The following PIWIL4 variants were observed in gnomAD, a reference collection of about 807,000 sequenced individuals.
PIWIL4 encodes the protein piwi like RNA-mediated gene silencing 4.
PIWIL4 carries 50 observed loss-of-function variants against 100.9 expected under a neutral mutation model. That is an observed-to-expected ratio of 0.50 (90% confidence interval 0.39 to 0.63). PIWIL4 has a LOEUF of 0.63. PIWIL4 is among the 20% of genes least tolerant of loss of function. The pLI is 0.00. For missense variants in PIWIL4, 887 were observed against 1,043.3 expected, an observed-to-expected ratio of 0.85 and a Z score of 2.06; for synonymous variants, 342 against 367.5, an observed-to-expected ratio of 0.93 and a Z score of 0.79.
rs1948108990 is a variant in PIWIL4, at chr11:94,568,737, C to T, written c.95C>T (p.Ser32Phe). Residue 32 changes from serine to phenylalanine, a missense_variant, in exon 2 of 20, where the codon TCT (serine) becomes TTT (phenylalanine). This residue lies in a region of PIWIL4 where 146 missense variants were observed against 113.4 expected (regional missense o/e 1.29). Transcript: ENST00000299001. ...GRIQASPLPRSVDLSNNEASS... is the reference protein window; with the variant it reads ...GRIQASPLPRFVDLSNNEASS... ...TTTTTTTTGCCATTTTAGCCTAGAT[C>T]TGTTGATCTTAGTAACAATGAAGCA... is the stretch of plus-strand genomic sequence containing the variant. The T allele has an allele frequency of 6.2e-7, 1 of 1,603,882 alleles. No individual in the cohort carries two copies. The highest frequency in any genetic ancestry group is 1.1e-5 in the South Asian group (1 of 90,806).
chr11:94,620,474 A>G (rs757653829), intron 19 of PIWIL4, among the ~76,000 whole-genome samples: 39 of 152,222 alleles, frequency 2.6e-4, no homozygotes, highest in Non-Finnish European at 5.1e-4. Flanking sequence ...AAGAAATTGA[A>G]GCCAACTCAG....
intron 8 of PIWIL4, among the ~76,000 whole-genome samples, chr11:94,590,761 T>C (rs1326026267): frequency 1.3e-5 from 2 of 152,186 alleles, no homozygotes; most frequent in Non-Finnish European, 2.9e-5. Flanking sequence ...ATTTTCTTTT[T>C]GCCAGCCCTG....
At chr11:94,581,178 G>A (rs1194413780) in intron 4 of PIWIL4, among the ~76,000 whole-genome samples, 7 of 152,064 alleles carry the variant, frequency 4.6e-5, no homozygotes, top group African/African-American at 1.2e-4. Context: ...GGGATTACAG[G>A]TGTGAGCCAC....
At chr11:94,609,031 T>C (rs896787458) in intron 15 of PIWIL4, among the ~76,000 whole-genome samples, 3 of 152,236 alleles carry the variant, frequency 2.0e-5, no homozygotes, top group African/African-American at 7.2e-5. Context: ...GAGCAGTTGA[T>C]CTTTGAAATC....
intron 15 of PIWIL4, among the ~76,000 whole-genome samples, chr11:94,613,132 T>A (rs1948805345): frequency 2.0e-5 from 3 of 152,338 alleles, no homozygotes; most frequent in Admixed American, 1.3e-4. Flanking sequence ...CCTTTGTTAT[T>A]TCTTATATGG....
chr11:94,615,072 A>T (rs1948830954), intron 15 of PIWIL4, among the ~76,000 whole-genome samples: 1 of 152,174 alleles, frequency 6.6e-6, no homozygotes, highest in African/African-American at 2.4e-5. Flanking sequence ...GAGGTGCTCC[A>T]TAGGCAAGGT....
rs181413035 is a variant in PIWIL4 at position 94,589,914 on chromosome 11, A to G, written c.1026+682A>G. Among the ~76,000 whole-genome samples, 236 of 152,236 alleles carry G rather than the reference A, an allele frequency of 1.6e-3. 3 individuals are homozygous for G. Among genetic ancestry groups the G allele is most frequent in the Admixed American group, 0.013 (192 of 15,294 alleles). ...CCAGGACTAGCTCAGTGCTTTGCGC[A>G]TATTAGATACTCAAGAAACTATTGA... On this transcript the variant is annotated intron_variant, in intron 8 of 19. Coordinates refer to ENST00000299001, the MANE Select transcript of PIWIL4 (RefSeq NM_152431.3).
intron 2 of PIWIL4, among the ~76,000 whole-genome samples, chr11:94,571,169 A>C (rs1334640959): frequency 1.3e-5 from 2 of 152,198 alleles, no homozygotes; most frequent in Non-Finnish European, 2.9e-5. Context: ...CCCTACTCTG[A>C]CAGGCCCAGT....
At chr11:94,608,509 A>C (rs1278553780) in intron 14 of PIWIL4, 74 bp from the exon 15 acceptor site, 1 of 1,333,774 alleles carries the variant, frequency 7.5e-7, no homozygotes, top group Non-Finnish European at 1.1e-6. Context: ...TGTTTTTAAA[A>C]ACTTTCCTAT....
chr11:94,570,570 A>AAAATT (rs1948138278), intron 2 of PIWIL4, among the ~76,000 whole-genome samples: 1 of 152,106 alleles, frequency 6.6e-6, no homozygotes, highest in East Asian at 1.9e-4. Flanking sequence ...TTGGGGGAAC[A>AAAATT]CAGTGTAGCC....
At chr11:94,590,138 T>C (rs1482407157) in intron 8 of PIWIL4, among the ~76,000 whole-genome samples, 1 of 152,244 alleles carries the variant, frequency 6.6e-6, no homozygotes, top group African/African-American at 2.4e-5. Context: ...TCTCCTTAGC[T>C]AACTTTAGAA....
intron 15 of PIWIL4, among the ~76,000 whole-genome samples, chr11:94,612,391 A>G (rs1468046766): frequency 6.7e-6 from 1 of 149,196 alleles, no homozygotes; most frequent in Non-Finnish European, 1.5e-5. Context: ...TTCCATTTGC[A>G]TGGAATATTT....
chr11:94,569,240 A>T (rs1464001066), intron 2 of PIWIL4, among the ~76,000 whole-genome samples: 1 of 152,222 alleles, frequency 6.6e-6, no homozygotes, highest in East Asian at 1.9e-4. Context: ...CAACTTAAGC[A>T]TCCATCGATG....
intron 5 of PIWIL4, 40 bp downstream of exon 5, chr11:94,583,609 T>C (rs760177999): frequency 2.5e-6 from 4 of 1,610,880 alleles, no homozygotes; most frequent in East Asian, 4.5e-5. Flanking sequence ...GGGCTAATGA[T>C]ACCTTTCAGC....
intron 15 of PIWIL4, among the ~76,000 whole-genome samples, chr11:94,609,675 G>C (rs2135295913): frequency 1.3e-5 from 2 of 152,104 alleles, no homozygotes; most frequent in East Asian, 3.9e-4. Flanking sequence ...GAGTGAGGTA[G>C]GGATCCACTT....
At chr11:94,616,997 T>C (rs1948854931) in intron 16 of PIWIL4, among the ~76,000 whole-genome samples, 1 of 152,178 alleles carries the variant, frequency 6.6e-6, no homozygotes. Context: ...AGGTGCCCTA[T>C]CCATAGCAGG....
At chr11:94,593,235 T>C (rs1187788174) in intron 8 of PIWIL4, among the ~76,000 whole-genome samples, 1 of 152,198 alleles carries the variant, frequency 6.6e-6, no homozygotes, top group African/African-American at 2.4e-5. Context: ...TTGAACTATG[T>C]GTAGAACCAG....
At chr11:94,571,340 G>T (rs919304757) in intron 2 of PIWIL4, among the ~76,000 whole-genome samples, 19 of 151,970 alleles carry the variant, frequency 1.3e-4, no homozygotes, top group African/African-American at 4.4e-4. Context: ...CAACGTGCAG[G>T]TTTGTTACAT....
chr11:94,581,077 T>C (rs1948308951), intron 4 of PIWIL4, among the ~76,000 whole-genome samples: 1 of 151,984 alleles, frequency 6.6e-6, no homozygotes, highest in Non-Finnish European at 1.5e-5. Context: ...TTTTTGTATT[T>C]TTAGTAGAGA....
Sources: gnomAD v4.1 joint callset for allele counts (sites outside exome capture counted in the v4.1 genomes callset) on GRCh38, gnomAD v4.1.1 for gene constraint, gnomAD v4.1.1 regional missense constraint, MANE v1.5 for transcripts, NCBI Gene and HGNC (gene_info 2026-07-23, HGNC 2026-07-21) for gene names.